The following CPNE1 variants were observed in gnomAD, a reference collection of about 807,000 sequenced individuals.
CPNE1 encodes copine 1.
CPNE1 carries 58 observed loss-of-function variants against 63.2 expected under a neutral mutation model. The ratio of observed to expected loss-of-function variants is 0.92; its 90% CI spans 0.74 to 1.14. CPNE1 has a LOEUF of 1.14. Ranked by LOEUF, CPNE1 falls within the 50% of genes most tolerant of loss-of-function variation. The pLI is 0.00. For synonymous variants in CPNE1, 237 were observed against 249.0 expected (o/e 0.95, Z 0.45); for missense variants, 672 against 661.7 (o/e 1.02, Z -0.17).
chr20:35,630,599 C>G (rs2146282416), intron 12 of CPNE1, 109 bp from the exon 13 acceptor site: 1 of 1,460,390 alleles, frequency 6.8e-7, no homozygotes, highest in Admixed American at 1.7e-5. Flanking sequence ...GTCCTGAGCA[C>G]TTGCTGTCTA....
intron 1 of CPNE1, chr20:35,652,436 G>T: frequency 6.9e-7 from 1 of 1,440,784 alleles, no homozygotes; most frequent in Non-Finnish European, 9.4e-7. Context: ...CAATCCACAG[G>T]TTCTAACCTG....
intron 1 of CPNE1, among the ~76,000 whole-genome samples, chr20:35,662,353 T>A (rs2034277981): frequency 1.3e-5 from 2 of 152,364 alleles, no homozygotes; most frequent in South Asian, 4.1e-4. Context: ...AAGCTGGCTT[T>A]AAACTTAATT....
At chr20:35,653,177 T>C (rs778045761) in intron 1 of CPNE1, 19 of 1,613,400 alleles carry the variant, frequency 1.2e-5, no homozygotes, top group Non-Finnish European at 1.5e-5. Flanking sequence ...GGCCCATTAT[T>C]GGCTTCCTTT....
chr20:35,631,869 G>C, intron 6 of CPNE1, 76 bp downstream of exon 6: 1 of 1,555,256 alleles, frequency 6.4e-7, no homozygotes. Flanking sequence ...CTCTTTCTGA[G>C]TTCCAAACCT....
At chr20:35,649,599 G>C (rs1288716042) in intron 1 of CPNE1, 1 of 152,486 alleles carries the variant, frequency 6.6e-6, no homozygotes, top group African/African-American at 2.4e-5. Flanking sequence ...AATAATAATT[G>C]TACATCCAAA....
chr20:35,652,361 T>C (rs893314320), intron 1 of CPNE1: 1 of 742,666 alleles, frequency 1.3e-6, no homozygotes, highest in Non-Finnish European at 2.2e-6. Flanking sequence ...TCCTGGTGAG[T>C]GAGTCTTCTG....
intron 1 of CPNE1, chr20:35,654,505 T>A: frequency 6.2e-7 from 1 of 1,614,062 alleles, no homozygotes. Flanking sequence ...AAACATAGGA[T>A]TCAGATTATT....
rs759788110 is a variant in CPNE1, at chr20:35,653,776, A to G, written c.-1+10984T>C. On this transcript the variant is annotated intron_variant, in intron 1 of 15. Coordinates refer to ENST00000397443, the MANE Select transcript of CPNE1 (RefSeq NM_152925.3). ...GAAGTTCTGCAGTCTTTTTCGAATC[A>G]TATCTATCTTTTCTAGCATACCTTT... The G allele has an allele frequency of 1.6e-5, 26 of 1,613,926 alleles. No homozygotes were observed. The Admixed American group carries it at 3.7e-4, about 23-fold the overall frequency.
intron 1 of CPNE1, chr20:35,652,513 G>T: frequency 6.2e-7 from 1 of 1,600,198 alleles, no homozygotes; most frequent in Non-Finnish European, 8.5e-7. Context: ...TATAAAAAAT[G>T]ATGTGAATGG....
At chr20:35,632,122 C>T in intron 5 of CPNE1, 41 bp downstream of exon 5, 1 of 1,608,238 alleles carries the variant, frequency 6.2e-7, no homozygotes, top group Non-Finnish European at 8.5e-7. Flanking sequence ...CATCCTTGGC[C>T]CCTTAACTCT....
chr20:35,634,715 T>C (rs935326378), intron 1 of CPNE1, among the ~76,000 whole-genome samples: 4 of 152,088 alleles, frequency 2.6e-5, no homozygotes, highest in Non-Finnish European at 5.9e-5. Flanking sequence ...TCAGCCACTT[T>C]GTCACTCCTC....
rs527379791 is a variant in CPNE1, at chr20:35,662,296, A to AT, written c.-1+2463dup. On this transcript the variant is annotated intron_variant, in intron 1 of 15. Coordinates refer to ENST00000397443, the MANE Select transcript of CPNE1 (RefSeq NM_152925.3). ...TTCATTTTCACTTCAGAGCAAAATT[A>AT]TACTTCTAACCTAAACAACCACATT... Among the ~76,000 whole-genome samples the AT allele has an allele frequency of 5.4e-4, 83 of 152,370 alleles. 1 individual carries two copies. In the South Asian group the frequency reaches 0.017, roughly 32 times the overall value.
intron 1 of CPNE1, among the ~76,000 whole-genome samples, chr20:35,645,349 T>A (rs375432702): frequency 1.3e-5 from 2 of 152,298 alleles, no homozygotes; most frequent in East Asian, 3.9e-4. Context: ...AACAGGAAAC[T>A]ACACTATGAC....
intron 1 of CPNE1, among the ~76,000 whole-genome samples, chr20:35,660,021 CAT>C (rs1192299127): frequency 2.0e-5 from 3 of 152,086 alleles, no homozygotes; most frequent in East Asian, 1.9e-4. Flanking sequence ...AAAAGTAAAA[CAT>C]ATTTCAAAAA....
intron 13 of CPNE1, among the ~76,000 whole-genome samples, chr20:35,628,234 A>G (rs560651909): frequency 1.5e-3 from 223 of 152,130 alleles, no homozygotes; most frequent in African/African-American, 4.7e-3. Context: ...GCAGTGAGCC[A>G]AGATCGCGCC....
At chr20:35,659,177 C>T (rs577987178) in intron 1 of CPNE1, among the ~76,000 whole-genome samples, 1 of 151,798 alleles carries the variant, frequency 6.6e-6, no homozygotes, top group African/African-American at 2.4e-5. Context: ...TAACAAAATC[C>T]CACACATGCT....
At position 35,654,766 on chromosome 20, in the gene CPNE1, G is replaced by C. The variant is rs747026251; in HGVS notation, c.-1+9994C>G. On this transcript the variant is annotated intron_variant, in intron 1 of 15. Coordinates refer to ENST00000397443, the MANE Select transcript of CPNE1 (RefSeq NM_152925.3). ...TGGAATTGGAGGAATTGGTGGCGGC[G>C]GGACTGTGTTCATTGGAGAGGCTGT... 6.2e-7 allele frequency: 1 copy of C among 1,613,918 alleles called. No homozygotes were observed. The highest frequency in any genetic ancestry group is 1.7e-5 in the Admixed American group (1 of 60,022).
At chr20:35,663,654 C>T (rs1479885624) in intron 1 of CPNE1, among the ~76,000 whole-genome samples, 1 of 152,162 alleles carries the variant, frequency 6.6e-6, no homozygotes, top group Non-Finnish European at 1.5e-5. Context: ...TGACACCACG[C>T]AGATGAGTAA....
rs201974322 is a variant in CPNE1 at position 35,632,184 on chromosome 20, C to G, written c.435G>C (p.Glu145Asp). 3.7e-5 allele frequency: 59 copies of G among 1,614,154 alleles called. No individual in the cohort carries two copies. The East Asian group carries it at 1.2e-3, about 34-fold the overall frequency. The change falls in exon 5 of 16, where the codon GAG becomes GAC. Residue 145 changes from glutamate (E) to aspartate (D), a missense_variant. Transcript: ENST00000397443. ...KDNRVVTMEV[E>D]ARNLDKKDFL... is the part of the protein sequence containing the mutation. ...ACACCTTCTTATCTAGGTTTCTGGCCTCTACCTCCATGGTTACTACACGAT... is the reference window on the plus strand; with the variant it reads ...ACACCTTCTTATCTAGGTTTCTGGCGTCTACCTCCATGGTTACTACACGAT...
Sources: gnomAD v4.1 joint callset for allele counts (sites outside exome capture counted in the v4.1 genomes callset) on GRCh38, gnomAD v4.1.1 for gene constraint, MANE v1.5 for transcripts, NCBI Gene and HGNC (gene_info 2026-07-23, HGNC 2026-07-21) for gene names.